Variants in MEIKIN observed in about 807,000 individuals in gnomAD.
MEIKIN encodes meiotic kinetochore factor.
chr5:131,889,848 T>C (rs1007750230), intron 8 of MEIKIN, among the ~76,000 whole-genome samples: 4 of 152,220 alleles, frequency 2.6e-5, no homozygotes, highest in East Asian at 1.9e-4. Context: ...GGCTGTGGGT[T>C]TGTCATAGAT....
At chr5:131,855,637 A>T (rs997178919) in intron 9 of MEIKIN, among the ~76,000 whole-genome samples, 7 of 152,192 alleles carry the variant, frequency 4.6e-5, no homozygotes, top group Middle Eastern at 3.4e-3. Context: ...ACAGAGAAGG[A>T]GAGAAAAAGA....
At position 131,893,262 on chromosome 5, in the gene MEIKIN, TTG is replaced by T. The variant is rs1750967677; in HGVS notation, c.704-14216_704-14215del. 2.1e-5 allele frequency among the ~76,000 whole-genome samples: 3 copies of T among 143,234 alleles called. No individual in the cohort carries two copies. The South Asian group carries it at 6.8e-4, about 32-fold the overall frequency. The allele number at this position is 143,234 out of a possible 152,430, so 94.0% of individuals were successfully genotyped here. A position where few individuals can be genotyped will look rare whatever the true frequency, so the allele number is the denominator to read the frequency against. On this transcript the variant is annotated intron_variant, in intron 8 of 12. Coordinates refer to ENST00000442687, the MANE Select transcript of MEIKIN (RefSeq NM_001303622.2). Reference sequence around the variant, plus strand: ...ACCCAGTTAGAGCTTCCCAGCCGCTTTGTTTACCTAATCAAGTCTTGGGAATG... The same window carrying T: ...ACCCAGTTAGAGCTTCCCAGCCGCTTTTTACCTAATCAAGTCTTGGGAATG...
chr5:131,867,437 G>A (rs1035318984), intron 9 of MEIKIN, among the ~76,000 whole-genome samples: 1 of 152,086 alleles, frequency 6.6e-6, no homozygotes, highest in Non-Finnish European at 1.5e-5. Flanking sequence ...TATTCTGTGG[G>A]TTTTGACAAA....
intron 8 of MEIKIN, among the ~76,000 whole-genome samples, chr5:131,910,581 G>T (rs1474124556): frequency 6.6e-6 from 1 of 152,022 alleles, no homozygotes; most frequent in Non-Finnish European, 1.5e-5. Flanking sequence ...AACTAAAAGA[G>T]TATAACTGTA....
intron 11 of MEIKIN, among the ~76,000 whole-genome samples, chr5:131,821,070 A>T (rs1177016244): frequency 6.6e-6 from 1 of 151,834 alleles, no homozygotes; most frequent in Non-Finnish European, 1.5e-5. Flanking sequence ...TGCTTTTTCT[A>T]ATTCTTTAAG....
At chr5:131,911,753 A>G in intron 8 of MEIKIN, 62 bp downstream of exon 8, 1 of 394,416 alleles carries the variant, frequency 2.5e-6, no homozygotes, top group Non-Finnish European at 4.5e-6. Flanking sequence ...TAAACACAGA[A>G]TCGTGTTTTA....
At chr5:131,822,418 A>G (rs1749525990) in intron 11 of MEIKIN, among the ~76,000 whole-genome samples, 1 of 151,884 alleles carries the variant, frequency 6.6e-6, no homozygotes, top group Non-Finnish European at 1.5e-5. Flanking sequence ...TTGCTCTTGC[A>G]GTACACTTCA....
At chr5:131,885,300 T>C (rs1750762222) in intron 8 of MEIKIN, among the ~76,000 whole-genome samples, 2 of 141,266 alleles carry the variant, frequency 1.4e-5, no homozygotes, top group Non-Finnish European at 3.0e-5. Flanking sequence ...ACAGAGGTGC[T>C]TGTGTTACCC....
At chr5:131,808,454 T>C (rs1772888622) in intron 12 of MEIKIN, among the ~76,000 whole-genome samples, 1 of 152,192 alleles carries the variant, frequency 6.6e-6, no homozygotes, top group South Asian at 2.1e-4. Flanking sequence ...CTAACTACCA[T>C]TCTTTCTTAC....
chr5:131,826,853 A>C (rs1338887965), intron 11 of MEIKIN, among the ~76,000 whole-genome samples: 1 of 152,170 alleles, frequency 6.6e-6, no homozygotes, highest in Non-Finnish European at 1.5e-5. Context: ...GAGTCAATTA[A>C]ACCTCTTTTC....
chr5:131,903,246 A>T (rs1396075424), intron 8 of MEIKIN, among the ~76,000 whole-genome samples: 1 of 152,196 alleles, frequency 6.6e-6, no homozygotes, highest in Non-Finnish European at 1.5e-5. Context: ...CATCCATGAA[A>T]ATTTCCCCAA....
intron 12 of MEIKIN, among the ~76,000 whole-genome samples, chr5:131,809,830 A>AC (rs1272752383): frequency 2.6e-5 from 4 of 151,668 alleles, no homozygotes; most frequent in South Asian, 2.1e-4. Context: ...AAAAAAAAAA[A>AC]AACAAACAAA....
intron 7 of MEIKIN, among the ~76,000 whole-genome samples, chr5:131,914,074 G>T (rs905462650): frequency 2.6e-5 from 4 of 152,110 alleles, no homozygotes; most frequent in Admixed American, 1.3e-4. Flanking sequence ...CTTTACAAGA[G>T]GAAAAAGAGA....
chr5:131,876,928 T>C (rs947611484), intron 9 of MEIKIN, among the ~76,000 whole-genome samples: 2 of 141,332 alleles, frequency 1.4e-5, no homozygotes, highest in African/African-American at 5.3e-5. Flanking sequence ...TTCTCACTCA[T>C]AGGTGGGAAT....
intron 9 of MEIKIN, among the ~76,000 whole-genome samples, chr5:131,874,758 C>A (rs1247921194): frequency 6.6e-6 from 1 of 152,002 alleles, no homozygotes; most frequent in Admixed American, 6.6e-5. Flanking sequence ...AAAATACTGG[C>A]AAACTGAATC....
At chr5:131,860,805 A>G (rs187965352) in intron 9 of MEIKIN, among the ~76,000 whole-genome samples, 1 of 116,676 alleles carries the variant, frequency 8.6e-6, no homozygotes, top group East Asian at 2.5e-4. Context: ...TCTGTCACTC[A>G]GGCTGAAGTG....
rs577281313 is a variant in MEIKIN, at chr5:131,814,423, G to C, written c.1099+4317C>G. 2.0e-3 allele frequency among the ~76,000 whole-genome samples: 309 copies of C among 151,882 alleles called. 1 individual carries two copies. The highest frequency in any genetic ancestry group is 7.1e-3 in the African/African-American group (293 of 41,436). On this transcript the variant is annotated intron_variant, in intron 12 of 12. Coordinates refer to ENST00000442687, the MANE Select transcript of MEIKIN (RefSeq NM_001303622.2). ...CTCCCAAGTAGCTGGAACTACAGGA[G>C]TGCACCACCACACCTGGCTAATTTC... is the stretch of plus-strand genomic sequence containing the variant.
intron 7 of MEIKIN, among the ~76,000 whole-genome samples, chr5:131,915,206 T>A (rs1266612973): frequency 6.6e-6 from 1 of 152,134 alleles, no homozygotes; most frequent in African/African-American, 2.4e-5. Flanking sequence ...AGTCTGGATA[T>A]AGGACTTCAA....
At chr5:131,937,882 T>G (rs1161813716) in intron 4 of MEIKIN, among the ~76,000 whole-genome samples, 1 of 152,044 alleles carries the variant, frequency 6.6e-6, no homozygotes, top group African/African-American at 2.4e-5. Context: ...TTTATTGGGG[T>G]GAGCACAGTT....
Sources: allele counts gnomAD v4.1 joint callset (sites outside exome capture counted in the v4.1 genomes callset), GRCh38; gene constraint gnomAD v4.1.1; transcripts MANE v1.5; gene names NCBI Gene and HGNC (gene_info 2026-07-23, HGNC 2026-07-21).